The following LOC400499 variants were observed in gnomAD, a reference collection of about 807,000 sequenced individuals.
the LOC400499 span, among the ~76,000 whole-genome samples, chr16:11,491,336 C>T: frequency 3.9e-5 from 6 of 152,138 alleles, no homozygotes; most frequent in African/African-American, 1.4e-4. Context: ...GATTTGCCGA[C>T]GCCATCCCTC....
chr16:11,439,614 G>C, the LOC400499 span: 3 of 398,930 alleles, frequency 7.5e-6, no homozygotes, highest in African/African-American at 6.2e-5. Flanking sequence ...GGGGTCAGAG[G>C]GAACAGAGAG....
the LOC400499 span, chr16:11,396,694 G>C: frequency 4.5e-5 from 55 of 1,231,920 alleles, no homozygotes; most frequent in African/African-American, 7.1e-4. Flanking sequence ...AGAGAGTCTA[G>C]GTGTCAGGCA....
At chr16:11,390,068 G>A in the LOC400499 span, 2 of 1,202,456 alleles carry the variant, frequency 1.7e-6, no homozygotes, top group Non-Finnish European at 2.1e-6. Flanking sequence ...GTATGTGGCA[G>A]GCACGCAGGA....
chr16:11,389,180 T>C, the LOC400499 span, among the ~76,000 whole-genome samples: 107 of 152,270 alleles, frequency 7.0e-4, no homozygotes, highest in African/African-American at 2.3e-3. Context: ...GCCCCGTGGC[T>C]CTTGCTGAAA....
chr16:11,468,470 C>CACA, the LOC400499 span, among the ~76,000 whole-genome samples: 1 of 152,122 alleles, frequency 6.6e-6, no homozygotes, highest in Admixed American at 6.5e-5. Context: ...ACTACAGGCA[C>CACA]ACAACTCTGT....
chr16:11,408,010 T>C, the LOC400499 span, among the ~76,000 whole-genome samples: 9 of 132,262 alleles, frequency 6.8e-5, no homozygotes, highest in African/African-American at 2.5e-4. Flanking sequence ...GAAGGAGTCT[T>C]GCTCTGTTGC....
At chr16:11,389,241 ACCC>A in the LOC400499 span, among the ~76,000 whole-genome samples, 1 of 151,084 alleles carries the variant, frequency 6.6e-6, no homozygotes, top group South Asian at 2.1e-4. Flanking sequence ...CATAGGATCC[ACCC>A]CCCCATCTCA....
At chr16:11,488,764 C>A in the LOC400499 span, 1 of 398,994 alleles carries the variant, frequency 2.5e-6, no homozygotes. Context: ...CTGGGTGGAA[C>A]TCCTGGCTGA....
chr16:11,459,156 G>A, the LOC400499 span, among the ~76,000 whole-genome samples: 12 of 150,226 alleles, frequency 8.0e-5, no homozygotes, highest in East Asian at 1.9e-3. Flanking sequence ...TTGCAGGACT[G>A]GATGTGAAAA....
At chr16:11,503,732 C>T in the LOC400499 span, among the ~76,000 whole-genome samples, 4 of 152,246 alleles carry the variant, frequency 2.6e-5, no homozygotes, top group Admixed American at 6.5e-5. Flanking sequence ...GCAGCCTTCC[C>T]AGAATGTGCC....
At chr16:11,523,560 G>A in the LOC400499 span, 6 of 397,382 alleles carry the variant, frequency 1.5e-5, no homozygotes, top group African/African-American at 4.1e-5. Context: ...CCTTACTCTG[G>A]GAAGAAGATG....
chr16:11,480,278 A>G, the LOC400499 span, among the ~76,000 whole-genome samples: 1 of 152,214 alleles, frequency 6.6e-6, no homozygotes, highest in African/African-American at 2.4e-5. Flanking sequence ...AACTGTTTAT[A>G]TCTAGCGGAC....
the LOC400499 span, chr16:11,385,403 C>A: frequency 8.1e-7 from 1 of 1,232,266 alleles, no homozygotes; most frequent in Non-Finnish European, 1.0e-6. Context: ...GGGCCCCAGC[C>A]ACCAGGGCAT....
the LOC400499 span, among the ~76,000 whole-genome samples, chr16:11,483,359 T>C: frequency 6.6e-6 from 1 of 152,200 alleles, no homozygotes; most frequent in Non-Finnish European, 1.5e-5. Context: ...CAAATATTCA[T>C]AGCAGCTTTC....
chr16:11,506,030 T>C, the LOC400499 span, among the ~76,000 whole-genome samples: 1 of 152,012 alleles, frequency 6.6e-6, no homozygotes, highest in African/African-American at 2.4e-5. Flanking sequence ...CAACTTTATT[T>C]ATTTTATTTT....
the LOC400499 span, chr16:11,478,719 C>T: frequency 5.0e-6 from 2 of 398,920 alleles, no homozygotes; most frequent in East Asian, 3.6e-5. Context: ...ACAAAGAACA[C>T]AGTCAGGGTT....
At chr16:11,424,280 G>A in the LOC400499 span, 6 of 399,166 alleles carry the variant, frequency 1.5e-5, no homozygotes, top group Non-Finnish European at 2.2e-5. Flanking sequence ...ACAGCGCCAG[G>A]CGTGCTGAGC....
At chr16:11,487,141 G>A in the LOC400499 span, 1 of 397,238 alleles carries the variant, frequency 2.5e-6, no homozygotes, top group Non-Finnish European at 4.4e-6. Context: ...CTAGATATTA[G>A]GGGAGGAGAT....
the LOC400499 span, chr16:11,383,836 TTGA>T: frequency 8.1e-7 from 1 of 1,232,184 alleles, no homozygotes; most frequent in African/African-American, 1.6e-5. Flanking sequence ...GGACCTAAGC[TTGA>T]TGAGACAAAG....
Sources: allele counts gnomAD v4.1 joint callset (sites outside exome capture counted in the v4.1 genomes callset), GRCh38; gene constraint gnomAD v4.1.1; transcripts MANE v1.5.